NRAP: variants seen among roughly 807,000 people sequenced by gnomAD.
NRAP encodes nebulin-related-anchoring protein.
Under a neutral mutation model 225.9 loss-of-function variants are expected in NRAP, and 189 were observed. The observed-to-expected ratio is 0.84, with a 90% CI of 0.74 to 0.94. The LOEUF (loss-of-function observed/expected upper bound fraction) is 0.94. NRAP is among the 40% of genes least tolerant of loss of function. NRAP has a pLI of 0.00. For synonymous variants in NRAP, 769 were observed against 790.7 expected (o/e 0.97, Z 0.46); for missense variants, 2,176 against 2,168.7 (o/e 1.00, Z -0.07).
In NRAP at chr10:113,615,757, G is replaced by A. The variant is rs1401748734; in HGVS notation, c.3033C>T (p.Leu1011=). 2 of 1,612,292 alleles carry A rather than the reference G, an allele frequency of 1.2e-6. No homozygotes were observed. The highest frequency in any genetic ancestry group is 1.3e-5 in the African/African-American group (1 of 74,904). ...IKHHYTPTAD[L]PEVLLAKLNA... ...TCAGCTTGGCCAGCAGGACTTCAGG[G>A]AGGTCAGCAGTCGGTGTGTAATGAT... The change falls in exon 27 of 42, where the codon CTC becomes CTT. Residue 1011 remains leucine (L), a synonymous_variant. Coordinates refer to ENST00000359988, the MANE Select transcript of NRAP (RefSeq NM_198060.4).
At chr10:113,650,334 T>A in intron 8 of NRAP, 104 bp downstream of exon 8, 1 of 902,712 alleles carries the variant, frequency 1.1e-6, no homozygotes, top group Admixed American at 1.9e-5. Context: ...AACTACTCCC[T>A]GGCTTCAGGG....
chr10:113,591,193 G>A (rs974905030), intron 39 of NRAP, among the ~76,000 whole-genome samples: 18 of 152,324 alleles, frequency 1.2e-4, no homozygotes, highest in African/African-American at 4.3e-4. Flanking sequence ...CTGAGTGGTG[G>A]CTACTGGTAT....
intron 3 of NRAP, among the ~76,000 whole-genome samples, chr10:113,661,261 C>T (rs186280792): frequency 7.9e-5 from 12 of 152,186 alleles, no homozygotes; most frequent in African/African-American, 1.9e-4. Context: ...TTGTGGTGTA[C>T]GTTAAATTAA....
intron 9 of NRAP, among the ~76,000 whole-genome samples, chr10:113,647,433 C>T (rs918510448): frequency 1.4e-5 from 2 of 146,706 alleles, no homozygotes; most frequent in African/African-American, 2.6e-5. Flanking sequence ...AGACCTCCCC[C>T]GATGGTACTG....
In NRAP at chr10:113,633,078, T is replaced by G. The variant is rs746043900; in HGVS notation, c.1632+6A>C. 6.8e-7 allele frequency: 1 copy of G among 1,465,256 alleles called. No individual in the cohort carries two copies. 90.8% of individuals were successfully genotyped at this position (1,465,256 alleles called of 1,614,324 possible). On this transcript the variant is annotated splice_donor_region_variant and intron_variant, in intron 16 of 41. Coordinates refer to ENST00000359988, the MANE Select transcript of NRAP (RefSeq NM_198060.4). The stretch of plus-strand genomic sequence containing the variant: ...CCTCCACCGTCTCCCCACATTGCTC[T>G]CTTACCTCACTGAAGAGTTTGGCAT...
intron 35 of NRAP, among the ~76,000 whole-genome samples, chr10:113,602,486 C>T (rs1315604674): frequency 6.6e-6 from 1 of 152,200 alleles, no homozygotes; most frequent in African/African-American, 2.4e-5. Flanking sequence ...GGAACTTGGG[C>T]TGGCACTTTA....
At chr10:113,634,762 C>T (rs896901469) in intron 14 of NRAP, among the ~76,000 whole-genome samples, 3 of 152,122 alleles carry the variant, frequency 2.0e-5, no homozygotes, top group Non-Finnish European at 4.4e-5. Flanking sequence ...TATATCCACA[C>T]ATAGTATACT....
chr10:113,659,937 G>T (rs977167888), intron 3 of NRAP, among the ~76,000 whole-genome samples: 2 of 151,982 alleles, frequency 1.3e-5, no homozygotes, highest in Non-Finnish European at 2.9e-5. Context: ...GAGGTGAAAA[G>T]GTAATTCATA....
chr10:113,589,064 C>G lies in NRAP; in HGVS notation c.5104G>C (p.Val1702Leu). Residue 1702 changes from valine to leucine, a missense_variant, in exon 42 of 42, where the codon GTG (valine) becomes CTG (leucine). Val to Leu is a conservative substitution (Grantham distance 32). Around this residue, in one of 3 missense-constraint regions of NRAP, gnomAD observed 445 missense variants for 426.1 expected, o/e 1.04. Transcript: ENST00000359988. ...CCACTCTGATGATCTCCAGCCTCCA[C>G]TGCTTCTGCCCCCCGCTGCTGAAAT... is the stretch of plus-strand genomic sequence containing the variant. ...LQGAYRGAEA[V>L]EAGDHQSGEV... 1 of 1,613,992 alleles carries G rather than the reference C, an allele frequency of 6.2e-7. No homozygotes were observed.
chr10:113,598,105 G>C (rs772762171), intron 35 of NRAP, 32 bp from the exon 36 acceptor site: 12 of 1,367,848 alleles, frequency 8.8e-6, no homozygotes, highest in Non-Finnish European at 1.3e-5. Context: ...GCTTTATCAG[G>C]AGAGTGCTTA....
At chr10:113,640,185 G>T in intron 14 of NRAP, 42 bp downstream of exon 14, 1 of 1,158,408 alleles carries the variant, frequency 8.6e-7, no homozygotes, top group South Asian at 1.3e-5. Flanking sequence ...GGAAGGAAGC[G>T]ACAAGTGACA....
Position 113,620,613 on chromosome 10 carries a change from G to A in NRAP, c.2865C>T (p.Leu955=), listed in dbSNP as rs1281857536. The change falls in exon 25 of 42, where the codon CTC becomes CTT. Residue 955 remains leucine, a synonymous_variant. Transcript: ENST00000359988. ...TGTCAGGAAATCTCACCTCGCTAAT[G>A]AGTTCTCCTGCCTTCTTCGCCTGCT... is the stretch of plus-strand genomic sequence containing the variant. ...NVEQAKKAGE[L]ISEKKYRQHP... 1.2e-6 allele frequency: 2 copies of A among 1,609,154 alleles called. No individual in the cohort carries two copies. Among genetic ancestry groups the A allele is most frequent in the Non-Finnish European group, 1.7e-6 (2 of 1,175,750 alleles).
At chr10:113,641,232 T>G in intron 13 of NRAP, 133 bp downstream of exon 13, 1 of 551,482 alleles carries the variant, frequency 1.8e-6, no homozygotes, top group Non-Finnish European at 3.2e-6. Flanking sequence ...TAGAAACTCT[T>G]TTGGGTCAGT....
intron 11 of NRAP, among the ~76,000 whole-genome samples, chr10:113,644,595 A>G (rs1849392968): frequency 6.6e-6 from 1 of 152,230 alleles, no homozygotes; most frequent in Non-Finnish European, 1.5e-5. Context: ...AGAGTACCAG[A>G]ATCATCTGGA....
intron 10 of NRAP, 121 bp downstream of exon 10, chr10:113,646,801 GC>G: frequency 1.4e-6 from 1 of 734,386 alleles, no homozygotes; most frequent in Non-Finnish European, 2.4e-6. Context: ...GGAGTTGAGG[GC>G]TAACATTCTA....
intron 30 of NRAP, among the ~76,000 whole-genome samples, chr10:113,611,346 C>G (rs762972985): frequency 1.1e-4 from 16 of 152,164 alleles, no homozygotes; most frequent in Non-Finnish European, 2.1e-4. Context: ...CCGCTCAGAT[C>G]GCAGGCACTG....
chr10:113,646,952 C>A lies in NRAP; in HGVS notation c.964G>T (p.Ala322Ser). The A allele has an allele frequency of 3.1e-6, 5 of 1,613,888 alleles. No individual in the cohort carries two copies. Among genetic ancestry groups the A allele is most frequent in the Non-Finnish European group, 2.5e-6 (3 of 1,179,778 alleles). Residue 322 changes from alanine (A) to serine (S), a missense_variant, in exon 10 of 42, where the codon GCC becomes TCC. This residue lies in a region of NRAP where 1,708 missense variants were observed against 1,695.5 expected (regional missense o/e 1.01). Transcript: ENST00000359988. ...PAMITPAYQN[A>S]KKAHELASDI... ...CTAGCGAGTTCGTGAGCTTTCTTGG[C>A]GTTCTGATATGCTGGAGTGATCATA... is the stretch of plus-strand genomic sequence containing the variant.
At chr10:113,648,467 C>CTCTCTCTCTCTCTCTATA (rs749486311) in intron 9 of NRAP, among the ~76,000 whole-genome samples, 15 of 87,382 alleles carry the variant, frequency 1.7e-4, no homozygotes, top group Admixed American at 4.5e-4. Flanking sequence ...CTCTCTCTCT[C>CTCTCTCTCTCTCTCTATA]TATATATATA....
chr10:113,631,455 CTT>C, intron 18 of NRAP, 52 bp downstream of exon 18: 1 of 1,167,304 alleles, frequency 8.6e-7, no homozygotes, highest in Admixed American at 2.3e-5. Flanking sequence ...CCAGGGAAAA[CTT>C]TTAAAATAAC....
Sources: gnomAD v4.1 joint callset for allele counts (sites outside exome capture counted in the v4.1 genomes callset) on GRCh38, gnomAD v4.1.1 for gene constraint, gnomAD v4.1.1 regional missense constraint, MANE v1.5 for transcripts, NCBI Gene and HGNC (gene_info 2026-07-23, HGNC 2026-07-21) for gene names.